SPMIP2: variants seen among roughly 807,000 people sequenced by gnomAD.
SPMIP2 encodes the protein protein SPMIP2.
At chr4:158,906,814 A>G in the SPMIP2 span, 1 of 152,198 alleles carries the variant, frequency 6.6e-6, no homozygotes, top group Non-Finnish European at 1.5e-5. Flanking sequence ...AAAGAAAAAA[A>G]AAACCTCACA....
chr4:158,999,187 A>AC, the SPMIP2 span, among the ~76,000 whole-genome samples: 6 of 151,926 alleles, frequency 3.9e-5, no homozygotes, highest in South Asian at 2.1e-4. Context: ...AAAAACAACA[A>AC]AAAAAAACCC....
At chr4:158,997,758 T>C in the SPMIP2 span, among the ~76,000 whole-genome samples, 1 of 152,094 alleles carries the variant, frequency 6.6e-6, no homozygotes, top group Non-Finnish European at 1.5e-5. Context: ...GCCCAAATAA[T>C]TCCCCCACCT....
chr4:158,950,662 G>A, the SPMIP2 span, among the ~76,000 whole-genome samples: 3 of 152,180 alleles, frequency 2.0e-5, no homozygotes, highest in East Asian at 1.9e-4. Context: ...TTGGGAGACC[G>A]AGGCAGGTGG....
At chr4:159,058,799 C>T in the SPMIP2 span, among the ~76,000 whole-genome samples, 1 of 152,018 alleles carries the variant, frequency 6.6e-6, no homozygotes, top group African/African-American at 2.4e-5. Context: ...TTTTAACTGG[C>T]ACATTTATGA....
At chr4:158,911,580 C>CG in the SPMIP2 span, among the ~76,000 whole-genome samples, 2 of 151,688 alleles carry the variant, frequency 1.3e-5, no homozygotes, top group Admixed American at 6.6e-5. Flanking sequence ...TCAAGTCCCC[C>CG]GTTCCTAGCA....
chr4:159,039,799 G>A, the SPMIP2 span, among the ~76,000 whole-genome samples: 29 of 152,208 alleles, frequency 1.9e-4, no homozygotes, highest in Non-Finnish European at 5.9e-5. Context: ...GTCTCGCTTC[G>A]ATAATTGAAT....
chr4:158,988,935 C>A, the SPMIP2 span, among the ~76,000 whole-genome samples: 428 of 152,082 alleles, frequency 2.8e-3, no homozygotes, highest in African/African-American at 9.9e-3. Context: ...AGGAAGAGAG[C>A]AACTCAAATT....
the SPMIP2 span, among the ~76,000 whole-genome samples, chr4:158,932,563 C>T: frequency 1.3e-4 from 20 of 152,060 alleles, no homozygotes; most frequent in Non-Finnish European, 2.2e-4. Context: ...TAGTTTCTAT[C>T]GACTGTTTTT....
chr4:158,995,457 C>T, the SPMIP2 span, among the ~76,000 whole-genome samples: 11 of 152,172 alleles, frequency 7.2e-5, no homozygotes, highest in Admixed American at 6.5e-4. Flanking sequence ...TATTTGGCAC[C>T]TTACCACATG....
the SPMIP2 span, chr4:159,007,746 G>T: frequency 1.9e-5 from 12 of 631,964 alleles, no homozygotes; most frequent in Non-Finnish European, 3.6e-5. Context: ...GGACTTCGGG[G>T]CCTTCTACGC....
At chr4:158,929,304 C>G in the SPMIP2 span, among the ~76,000 whole-genome samples, 1 of 152,266 alleles carries the variant, frequency 6.6e-6, no homozygotes, top group Non-Finnish European at 1.5e-5. Context: ...AGGCATAAGC[C>G]AACATACCCA....
At chr4:158,923,829 A>G in the SPMIP2 span, among the ~76,000 whole-genome samples, 3 of 152,134 alleles carry the variant, frequency 2.0e-5, no homozygotes, top group Non-Finnish European at 4.4e-5. Flanking sequence ...ACCATTAAAT[A>G]TTATATTCTC....
the SPMIP2 span, among the ~76,000 whole-genome samples, chr4:159,079,278 T>G: frequency 1.3e-5 from 2 of 152,056 alleles, no homozygotes; most frequent in African/African-American, 4.8e-5. Context: ...TCATGAGGGC[T>G]CCACCCACAT....
chr4:159,027,089 T>C, the SPMIP2 span, among the ~76,000 whole-genome samples: 1 of 152,088 alleles, frequency 6.6e-6, no homozygotes, highest in African/African-American at 2.4e-5. Flanking sequence ...CTGTCACCTA[T>C]AGATAAGGCT....
the SPMIP2 span, among the ~76,000 whole-genome samples, chr4:159,038,271 G>A: frequency 6.6e-6 from 1 of 152,150 alleles, no homozygotes; most frequent in Non-Finnish European, 1.5e-5. Context: ...CACAATACCT[G>A]AGAATGCCGA....
the SPMIP2 span, among the ~76,000 whole-genome samples, chr4:159,045,735 G>GT: frequency 6.6e-6 from 1 of 152,216 alleles, no homozygotes; most frequent in Non-Finnish European, 1.5e-5. Flanking sequence ...CCATTTCACA[G>GT]TTTTTGTGGG....
chr4:158,927,069 T>C, the SPMIP2 span, among the ~76,000 whole-genome samples: 1 of 152,240 alleles, frequency 6.6e-6, no homozygotes, highest in African/African-American at 2.4e-5. Context: ...AATTGTCTAT[T>C]TCCTCCTTTA....
At chr4:159,044,911 G>A in the SPMIP2 span, among the ~76,000 whole-genome samples, 3 of 152,140 alleles carry the variant, frequency 2.0e-5, no homozygotes, top group African/African-American at 7.2e-5. Context: ...AGCCAACATG[G>A]TGAAACCCCA....
chr4:159,038,718 T>G, the SPMIP2 span: 1 of 152,224 alleles, frequency 6.6e-6, no homozygotes, highest in Non-Finnish European at 1.5e-5. Context: ...ATGTTTGAAC[T>G]GTGTTGTAGA....
Sources: gnomAD v4.1 joint callset for allele counts (sites outside exome capture counted in the v4.1 genomes callset) on GRCh38, gnomAD v4.1.1 for gene constraint, MANE v1.5 for transcripts, NCBI Gene and HGNC (gene_info 2026-07-23, HGNC 2026-07-21) for gene names.